Variants in CXCL14 observed in about 807,000 individuals in gnomAD.
CXCL14 encodes C-X-C motif chemokine 14.
Under a neutral mutation model 16.1 loss-of-function variants are expected in CXCL14, and 9 were observed. That is an observed-to-expected ratio of 0.56 (90% CI 0.34 to 0.97). The LOEUF (loss-of-function observed/expected upper bound fraction) is 0.97, where lower values mean the gene tolerates loss of function less well. Ranked by LOEUF, CXCL14 falls within the 50% of genes least tolerant of loss-of-function variation. The pLI is 0.02. For missense variants in CXCL14, 111 were observed against 132.5 expected (o/e 0.84, Z 0.80); for synonymous variants, 55 against 52.8 (o/e 1.04, Z -0.18).
Position 135,578,461 on chromosome 5 carries a change from T to A in CXCL14, c.143A>T (p.Tyr48Phe). The change falls in exon 2 of 4, where the codon TAC (tyrosine) becomes TTC (phenylalanine). Residue 48 changes from tyrosine to phenylalanine, a missense_variant. Transcript: ENST00000512158. Reference protein sequence around the residue: ...DVKKLEMKPKYPHCEEKMVII... With the variant: ...DVKKLEMKPKFPHCEEKMVII... ...AACCATCTTCTCCTCGCAGTGCGGGTACTTTGGCTTCATTTCCAGCTTCTT... is the reference window on the plus strand; with the variant it reads ...AACCATCTTCTCCTCGCAGTGCGGGAACTTTGGCTTCATTTCCAGCTTCTT... The A allele has an allele frequency of 6.2e-7, 1 of 1,613,968 alleles. No individual in the cohort carries two copies. The highest frequency in any genetic ancestry group is 8.5e-7 in the Non-Finnish European group (1 of 1,179,974).
At position 135,578,422 on chromosome 5, in the gene CXCL14, G is replaced by A; in HGVS notation, c.170+12C>T. 6.2e-7 allele frequency: 1 copy of A among 1,609,768 alleles called. No individual in the cohort carries two copies. The highest frequency in any genetic ancestry group is 8.5e-7 in the Non-Finnish European group (1 of 1,175,936). On this transcript the variant is annotated intron_variant, in intron 2 of 3. Transcript: ENST00000512158. ...AGTGCGCACCCCCTCAAGGTGAGGA[G>A]CGAGAACTCACATAACCATCTTCTC...
At chr5:135,577,950 A>C (rs562628260) in intron 2 of CXCL14, among the ~76,000 whole-genome samples, 105 of 152,286 alleles carry the variant, frequency 6.9e-4, no homozygotes, top group African/African-American at 2.5e-3. Context: ...GGAGCCAAAA[A>C]CTTGCGGTCC....
Position 135,578,765 on chromosome 5 carries a change from G to A in CXCL14, c.14C>T (p.Ala5Val). 3 of 1,545,630 alleles carry A rather than the reference G, an allele frequency of 1.9e-6. No individual in the cohort carries two copies. Among genetic ancestry groups the A allele is most frequent in the Non-Finnish European group, 2.6e-6 (3 of 1,145,712 alleles). MRLLAAALLLLLLAL... is the reference protein window; with the variant it reads MRLLVAALLLLLLAL... Reference sequence around the variant, plus strand: ...CAGCAGCAGCAGGAGCAGCGCGGCCGCCAGGAGCCTCATGCTGACCGGAGG... The same window carrying A: ...CAGCAGCAGCAGGAGCAGCGCGGCCACCAGGAGCCTCATGCTGACCGGAGG... Residue 5 changes from alanine (A) to valine (V), a missense_variant, in exon 1 of 4, where the codon GCG (alanine) becomes GTG (valine). Coordinates refer to ENST00000512158, the MANE Select transcript of CXCL14 (RefSeq NM_004887.5).
chr5:135,574,621 T>G lies in CXCL14; in HGVS notation c.235A>C (p.Ser79Arg). The change falls in exon 3 of 4, where the codon AGC becomes CGC. Residue 79 changes from serine (S) to arginine (R), a missense_variant. Physicochemically the swap from Ser to Arg is moderately radical, Grantham distance 110. Coordinates refer to ENST00000512158, the MANE Select transcript of CXCL14 (RefSeq NM_004887.5). Reference sequence around the variant, plus strand: ...TACCACTTGATGAAGCGCTTGGTGCTCTGCAGCTTGGGGTGCAGGCAGTGC... The same window carrying G: ...TACCACTTGATGAAGCGCTTGGTGCGCTGCAGCTTGGGGTGCAGGCAGTGC... ...QEHCLHPKLQ[S>R]TKRFIKWYNA... 6.2e-7 allele frequency: 1 copy of G among 1,613,620 alleles called. No individual in the cohort carries two copies. The highest frequency in any genetic ancestry group is 8.5e-7 in the Non-Finnish European group (1 of 1,179,916).
At chr5:135,576,894 G>A (rs1751107686) in intron 2 of CXCL14, among the ~76,000 whole-genome samples, 1 of 152,136 alleles carries the variant, frequency 6.6e-6, no homozygotes. Flanking sequence ...GGATTGTGGA[G>A]GGGGAGAGGA....
In CXCL14 at chr5:135,578,879, C is replaced by T; in HGVS notation, c.-101G>A. ...GCCACCCAGCTCTGCTCGGCTTTCTCTGCCCGGGGCGCGCCTTCCGGCTCT... is the reference window on the plus strand; with the variant it reads ...GCCACCCAGCTCTGCTCGGCTTTCTTTGCCCGGGGCGCGCCTTCCGGCTCT... On this transcript the variant is annotated 5_prime_UTR_variant, in exon 1 of 4. Coordinates refer to ENST00000512158, the MANE Select transcript of CXCL14 (RefSeq NM_004887.5). 7.8e-7 allele frequency: 1 copy of T among 1,285,330 alleles called. No homozygotes were observed. Among genetic ancestry groups the T allele is most frequent in the Non-Finnish European group, 1.0e-6 (1 of 979,212 alleles). The allele number at this position is 1,285,330 out of a possible 1,614,324, so 79.6% of individuals were successfully genotyped here.
At chr5:135,573,820 C>T (rs1254456064) in intron 3 of CXCL14, among the ~76,000 whole-genome samples, 3 of 151,976 alleles carry the variant, frequency 2.0e-5, no homozygotes, top group East Asian at 1.9e-4. Flanking sequence ...AGGCTACCTT[C>T]GCATGGTACA....
In CXCL14 at chr5:135,574,657, G is replaced by A. The variant is rs748772776; in HGVS notation, c.199C>T (p.Arg67Ter). The A allele has an allele frequency of 2.5e-6, 4 of 1,613,860 alleles. No individual in the cohort carries two copies. Among genetic ancestry groups the A allele is most frequent in the Non-Finnish European group, 2.5e-6 (3 of 1,179,964 alleles). ...IITTKSVSRY[R>*]GQEHCLHPKL... ...GGGTGCAGGCAGTGCTCCTGACCTC[G>A]GTACCTGGACACGCTCTTGGTGGTG... The change falls in exon 3 of 4, where the codon CGA becomes TGA. Residue 67 changes from arginine to a stop codon, truncating the protein, a stop_gained. Transcript: ENST00000512158. LOFTEE classifies it high-confidence loss of function.
intron 2 of CXCL14, among the ~76,000 whole-genome samples, chr5:135,575,993 C>T (rs1370627280): frequency 6.6e-6 from 1 of 152,200 alleles, no homozygotes; most frequent in Admixed American, 6.5e-5. Flanking sequence ...GACAGGATTC[C>T]CATTACTTCA....
rs1414658115 is a variant in CXCL14, at chr5:135,571,525, A to G, written c.*328T>C. 3 of 329,982 alleles carry G rather than the reference A, an allele frequency of 9.1e-6. No individual in the cohort carries two copies. Among genetic ancestry groups the G allele is most frequent in the African/African-American group, 2.2e-5 (1 of 46,456 alleles). 20.4% of individuals were successfully genotyped at this position (329,982 alleles called of 1,614,324 possible). ...ATAAAGCTCAGATGTATAGTGACGT[A>G]TGGACAAATACAAAAAAGCATTTTT... On this transcript the variant is annotated 3_prime_UTR_variant, in exon 4 of 4. Coordinates refer to ENST00000512158, the MANE Select transcript of CXCL14 (RefSeq NM_004887.5).
chr5:135,578,611 C>T (rs2126867054), intron 1 of CXCL14, 72 bp from the exon 2 acceptor site: 2 of 1,594,986 alleles, frequency 1.3e-6, no homozygotes, highest in African/African-American at 2.7e-5. Context: ...TGGTGCCCAC[C>T]CAGACCACCC....
chr5:135,574,521 G>C, intron 3 of CXCL14, 51 bp downstream of exon 3: 1 of 1,496,234 alleles, frequency 6.7e-7, no homozygotes. Context: ...CCCATCCTGA[G>C]AGCCACAGCT....
chr5:135,577,390 T>C (rs1751119721), intron 2 of CXCL14, among the ~76,000 whole-genome samples: 1 of 152,206 alleles, frequency 6.6e-6, no homozygotes, highest in Admixed American at 6.5e-5. Context: ...CAAGTTAATT[T>C]AGGTGTCTGT....
At chr5:135,577,070 G>A (rs1751112914) in intron 2 of CXCL14, among the ~76,000 whole-genome samples, 1 of 152,190 alleles carries the variant, frequency 6.6e-6, no homozygotes, top group East Asian at 1.9e-4. Context: ...TCTATATGTG[G>A]AAAAGTTTAG....
At chr5:135,575,132 A>G (rs1461161960) in intron 2 of CXCL14, among the ~76,000 whole-genome samples, 2 of 152,172 alleles carry the variant, frequency 1.3e-5, no homozygotes, top group African/African-American at 2.4e-5. Flanking sequence ...TGAGGAGCTC[A>G]TGGCAAGGCT....
intron 2 of CXCL14, among the ~76,000 whole-genome samples, chr5:135,576,422 C>T (rs933547959): frequency 1.3e-5 from 2 of 152,220 alleles, no homozygotes; most frequent in East Asian, 1.9e-4. Flanking sequence ...CATCCCAAAT[C>T]CTGAAGGTCA....
At position 135,571,763 on chromosome 5, in the gene CXCL14, TTTTTTTTTTTTTTTTTTTTTTTAA is replaced by T. The variant is rs1751033514; in HGVS notation, c.*66_*89del. 1.2e-5 allele frequency: 2 copies of T among 163,336 alleles called. No homozygotes were observed. The highest frequency in any genetic ancestry group is 2.0e-4 in the East Asian group (2 of 9,776). The allele number at this position is 163,336 out of a possible 1,614,324, so 10.1% of individuals were successfully genotyped here. ...AAGGCTTTTTTTTTTTTTTTTTTTT[TTTTTTTTTTTTTTTTTTTTTTTAA>T]TCTGCAAAGTCCTTTGCACAAGTCT... On this transcript the variant is annotated 3_prime_UTR_variant, in exon 4 of 4. Coordinates refer to ENST00000512158, the MANE Select transcript of CXCL14 (RefSeq NM_004887.5).
At chr5:135,574,322 T>G (rs1277348892) in intron 3 of CXCL14, among the ~76,000 whole-genome samples, 1 of 152,236 alleles carries the variant, frequency 6.6e-6, no homozygotes, top group Admixed American at 6.5e-5. Context: ...TGAGACAGAC[T>G]TTAGTTTACA....
chr5:135,578,547 C>T lies in CXCL14; in HGVS notation c.65-8G>A, dbSNP rs201072568. 1.7e-5 allele frequency: 28 copies of T among 1,613,806 alleles called. No homozygotes were observed. The East Asian group carries it at 4.9e-4, about 28-fold the overall frequency. On this transcript the variant is annotated splice_polypyrimidine_tract_variant and splice_region_variant and intron_variant, in intron 1 of 3. Transcript: ENST00000512158. Reference sequence around the variant, plus strand: ...AGCACTTGCATTTGGACCCTGCGAGCGAGCGCGGGGCAACGGCTTAGTTGC... The same window carrying T: ...AGCACTTGCATTTGGACCCTGCGAGTGAGCGCGGGGCAACGGCTTAGTTGC...
Sources: gnomAD v4.1 joint callset for allele counts (sites outside exome capture counted in the v4.1 genomes callset) on GRCh38, gnomAD v4.1.1 for gene constraint, MANE v1.5 for transcripts, NCBI Gene and HGNC (gene_info 2026-07-23, HGNC 2026-07-21) for gene names.